MAGI2: variants seen among roughly 807,000 people sequenced by gnomAD.
MAGI2 encodes the protein membrane associated guanylate kinase, WW and PDZ domain containing 2.
In MAGI2, 35 loss-of-function variants were observed where a neutral mutation model predicts 133.3. That is an observed-to-expected ratio of 0.26 (90% CI 0.20 to 0.35). The LOEUF is 0.35. Ranked by LOEUF, MAGI2 falls within the 10% of genes least tolerant of loss-of-function variation. MAGI2 has a pLI of 1.00. For missense variants in MAGI2, 1,636 were observed against 1,863.4 expected, an observed-to-expected ratio of 0.88 and a Z score of 2.25; for synonymous variants, 729 against 710.6, an observed-to-expected ratio of 1.03 and a Z score of -0.41.
intron 1 of MAGI2, among the ~76,000 whole-genome samples, chr7:79,451,855 C>A (rs1189931690): frequency 2.0e-5 from 3 of 152,040 alleles, no homozygotes; most frequent in African/African-American, 7.2e-5. Context: ...ATACCGCACA[C>A]GAATTGTGCA....
chr7:78,297,268 A>G (rs373339337), intron 9 of MAGI2, among the ~76,000 whole-genome samples: 135 of 152,100 alleles, frequency 8.9e-4, no homozygotes, highest in African/African-American at 3.2e-3. Flanking sequence ...GCAAATCAAA[A>G]CCACAATGAG....
At chr7:78,730,153 G>A (rs947994360) in intron 2 of MAGI2, among the ~76,000 whole-genome samples, 2 of 152,114 alleles carry the variant, frequency 1.3e-5, no homozygotes, top group Non-Finnish European at 2.9e-5. Flanking sequence ...TATCTGATTA[G>A]AGACATTTAT....
rs532387100 is a variant in MAGI2, at chr7:78,932,869, AC to A, written c.418+74220del. On this transcript the variant is annotated intron_variant, in intron 2 of 21. Transcript: ENST00000354212. ...AAACATCACTGTCTTCATGTTATTGACCAGGAAAGACACTGACTCCAAATGA... is the reference window on the plus strand; with the variant it reads ...AAACATCACTGTCTTCATGTTATTGACAGGAAAGACACTGACTCCAAATGA... Among the ~76,000 whole-genome samples the A allele has an allele frequency of 2.0e-3, 299 of 152,246 alleles. 1 individual carries two copies. The highest frequency in any genetic ancestry group is 0.01 in the Middle Eastern group (3 of 292).
chr7:79,017,412 T>G (rs1808848031), intron 1 of MAGI2, among the ~76,000 whole-genome samples: 1 of 151,972 alleles, frequency 6.6e-6, no homozygotes. Flanking sequence ...GGACATCAAA[T>G]AGGATAGAAG....
rs151138520 is a variant in MAGI2, at chr7:79,274,499, A to G, written c.301+178521T>C. Among the ~76,000 whole-genome samples the G allele has an allele frequency of 3.2e-3, 491 of 152,116 alleles. 3 individuals carry two copies. The highest frequency in any genetic ancestry group is 0.012 in the East Asian group (62 of 5,176). On this transcript the variant is annotated intron_variant, in intron 1 of 21. Transcript: ENST00000354212. ...ATGGTTTTCCGTGAGGAACCAGATT[A>G]GGAAATGTGGCCGTGGTTCACAGGG...
At chr7:78,240,491 G>A (rs940197445) in intron 10 of MAGI2, among the ~76,000 whole-genome samples, 3 of 152,152 alleles carry the variant, frequency 2.0e-5, no homozygotes, top group Non-Finnish European at 4.4e-5. Context: ...ATTTGCAACA[G>A]CGTGGGTGAA....
intron 2 of MAGI2, chr7:78,902,550 A>T (rs1797685911): frequency 6.6e-6 from 1 of 152,218 alleles, no homozygotes; most frequent in Admixed American, 6.5e-5. Context: ...CATGGCGGCC[A>T]TTCACATGAA....
At chr7:78,710,341 G>A (rs544672853) in intron 2 of MAGI2, among the ~76,000 whole-genome samples, 1 of 152,226 alleles carries the variant, frequency 6.6e-6, no homozygotes, top group Admixed American at 6.5e-5. Flanking sequence ...AAGTACCCTG[G>A]GGATTCCCAG....
At chr7:79,421,534 G>C (rs769069735) in intron 1 of MAGI2, among the ~76,000 whole-genome samples, 1 of 151,744 alleles carries the variant, frequency 6.6e-6, no homozygotes, top group Non-Finnish European at 1.5e-5. Flanking sequence ...CTTACAAAAG[G>C]TACTGCTTAA....
intron 1 of MAGI2, among the ~76,000 whole-genome samples, chr7:79,056,590 A>G (rs1813167081): frequency 6.6e-6 from 1 of 152,294 alleles, no homozygotes; most frequent in Middle Eastern, 3.4e-3. Context: ...CCTCAGAGGC[A>G]TTTCTTCCAC....
intron 6 of MAGI2, chr7:78,484,276 T>C (rs966147856): frequency 6.6e-6 from 1 of 152,014 alleles, no homozygotes; most frequent in East Asian, 1.9e-4. Context: ...ATATGTATTG[T>C]AAAGCATGGC....
chr7:79,057,662 T>C (rs902539343), intron 1 of MAGI2, among the ~76,000 whole-genome samples: 1 of 152,214 alleles, frequency 6.6e-6, no homozygotes, highest in Non-Finnish European at 1.5e-5. Flanking sequence ...GGTATTTCAA[T>C]GGCAGGTGCA....
chr7:78,906,301 TA>T (rs1797988774), intron 2 of MAGI2, among the ~76,000 whole-genome samples: 1 of 152,236 alleles, frequency 6.6e-6, no homozygotes, highest in Admixed American at 6.5e-5. Flanking sequence ...CTGAAATGGC[TA>T]ATACTCCCTC....
intron 1 of MAGI2, among the ~76,000 whole-genome samples, chr7:79,206,909 A>G (rs962860828): frequency 5.9e-5 from 9 of 151,940 alleles, no homozygotes; most frequent in African/African-American, 2.2e-4. Flanking sequence ...AGGATGGCTA[A>G]ATTACGTATA....
chr7:78,195,590 C>A (rs540785578), intron 11 of MAGI2, among the ~76,000 whole-genome samples: 4 of 152,324 alleles, frequency 2.6e-5, no homozygotes, highest in African/African-American at 4.8e-5. Context: ...AATTATGCAA[C>A]CATCTAGGAT....
chr7:78,148,746 T>C (rs1365586523), intron 16 of MAGI2, among the ~76,000 whole-genome samples: 12 of 151,808 alleles, frequency 7.9e-5, no homozygotes, highest in Admixed American at 7.9e-4. Flanking sequence ...CACAGATCTG[T>C]GGATTAGCAG....
At chr7:79,062,317 C>G (rs974894031) in intron 1 of MAGI2, among the ~76,000 whole-genome samples, 2 of 152,096 alleles carry the variant, frequency 1.3e-5, no homozygotes, top group Non-Finnish European at 2.9e-5. Flanking sequence ...CCACTCTATC[C>G]CCTCTATCTA....
chr7:79,143,644 G>A (rs1055053990), intron 1 of MAGI2, among the ~76,000 whole-genome samples: 1 of 152,146 alleles, frequency 6.6e-6, no homozygotes, highest in African/African-American at 2.4e-5. Context: ...CCTAAAGCAG[G>A]AACCAGTGTA....
chr7:78,321,901 G>A lies in MAGI2; in HGVS notation c.1408+21877C>T, dbSNP rs565984237. On this transcript the variant is annotated intron_variant, in intron 9 of 21. Coordinates refer to ENST00000354212, the MANE Select transcript of MAGI2 (RefSeq NM_012301.4). ...CAAAGGGCTAATATCCAGAATCTAC[G>A]AAGAACTAAAACAAATTTACAAGAA... Among the ~76,000 whole-genome samples the A allele has an allele frequency of 7.3e-4, 111 of 151,952 alleles. 1 individual carries two copies. Among genetic ancestry groups the A allele is most frequent in the South Asian group, 6.5e-3 (31 of 4,806 alleles).
Sources: gnomAD v4.1 joint callset for allele counts (sites outside exome capture counted in the v4.1 genomes callset) on GRCh38, gnomAD v4.1.1 for gene constraint, MANE v1.5 for transcripts, NCBI Gene and HGNC (gene_info 2026-07-23, HGNC 2026-07-21) for gene names.